MALRD1: variants seen among roughly 807,000 people sequenced by gnomAD.
MALRD1 encodes MAM and LDL-receptor class A domain-containing protein 1.
MALRD1 carries 247 observed loss-of-function variants against 242.1 expected under a neutral mutation model. That is an observed-to-expected ratio of 1.02 (90% CI 0.92 to 1.13). The LOEUF (loss-of-function observed/expected upper bound fraction) is 1.13. MALRD1 is among the 50% of genes most tolerant of loss of function. MALRD1 has a pLI of 0.00. For missense variants in MALRD1, 2,989 were observed against 2,533.1 expected, an observed-to-expected ratio of 1.18 and a Z score of -3.86; for synonymous variants, 995 against 866.6, an observed-to-expected ratio of 1.15 and a Z score of -2.60.
rs1846239793 is a variant in MALRD1 at position 19,389,450 on chromosome 10, A to G, written c.4688-2A>G. ...TTCTCTGAATTCTGTCCTTGTTCCT[A>G]GGGCACTTCATGTATCTGGAAGCTA... On this transcript the variant is annotated splice_acceptor_variant, in intron 27 of 39. Coordinates refer to ENST00000454679, the MANE Select transcript of MALRD1 (RefSeq NM_001142308.3). LOFTEE classifies it high-confidence loss of function. 6.5e-7 allele frequency: 1 copy of G among 1,550,034 alleles called. No homozygotes were observed. The highest frequency in any genetic ancestry group is 8.7e-7 in the Non-Finnish European group (1 of 1,146,716).
At chr10:19,554,680 A>G (rs1835638341) in intron 32 of MALRD1, among the ~76,000 whole-genome samples, 1 of 152,104 alleles carries the variant, frequency 6.6e-6, no homozygotes, top group Admixed American at 6.6e-5. Flanking sequence ...TGCTGAGGAT[A>G]ATGGCTTCCA....
In MALRD1 at chr10:19,607,720, T is replaced by C. The variant is rs560936058; in HGVS notation, c.5945-57T>C. 23 of 1,519,492 alleles carry C rather than the reference T, an allele frequency of 1.5e-5. No individual in the cohort carries two copies. The African/African-American group carries it at 1.5e-4, about 10-fold the overall frequency. The allele number at this position is 1,519,492 out of a possible 1,614,324, so 94.1% of individuals were successfully genotyped here. ...TATGTTATTTTGTTGTGAGAATTCA[T>C]TGGGACAAAAAAAAATCATGCTGGC... On this transcript the variant is annotated intron_variant, in intron 34 of 39. Transcript: ENST00000454679.
chr10:19,728,195 C>T (rs897226217), intron 38 of MALRD1, among the ~76,000 whole-genome samples: 5 of 152,154 alleles, frequency 3.3e-5, no homozygotes, highest in African/African-American at 1.2e-4. Flanking sequence ...TTCCAATACT[C>T]ACACTGAAAC....
At chr10:19,701,710 C>T (rs1367772325) in intron 38 of MALRD1, among the ~76,000 whole-genome samples, 1 of 129,154 alleles carries the variant, frequency 7.7e-6, no homozygotes, top group African/African-American at 2.9e-5. Flanking sequence ...CTTCCCCTCC[C>T]CTACCCTCCC....
At position 19,381,695 on chromosome 10, in the gene MALRD1, C is replaced by T. The variant is rs149583460; in HGVS notation, c.4442-5833C>T. Reference sequence around the variant, plus strand: ...ATACAAAAAAAAAAAAAAAATTAGCCGGGCCTGGTTCCGGGCACCTGTAAT... The same window carrying T: ...ATACAAAAAAAAAAAAAAAATTAGCTGGGCCTGGTTCCGGGCACCTGTAAT... On this transcript the variant is annotated intron_variant, in intron 26 of 39. Transcript: ENST00000454679. Among the ~76,000 whole-genome samples the T allele has an allele frequency of 5.2e-3, 782 of 150,724 alleles. 9 individuals carry two copies. Among genetic ancestry groups the T allele is most frequent in the Non-Finnish European group, 8.8e-3 (595 of 67,530 alleles).
chr10:19,174,682 G>T (rs1835149190), intron 13 of MALRD1, among the ~76,000 whole-genome samples: 1 of 152,026 alleles, frequency 6.6e-6, no homozygotes, highest in Non-Finnish European at 1.5e-5. Context: ...GAGTGCTTCA[G>T]CATATGAATA....
At chr10:19,173,195 C>T (rs1166313256) in intron 13 of MALRD1, among the ~76,000 whole-genome samples, 1 of 151,942 alleles carries the variant, frequency 6.6e-6, no homozygotes, top group Non-Finnish European at 1.5e-5. Context: ...GAAATCTAAA[C>T]CATTGTATGT....
chr10:19,107,172 T>A lies in MALRD1; in HGVS notation c.694+3097T>A, dbSNP rs76740774. 7.3e-3 allele frequency among the ~76,000 whole-genome samples: 1,111 copies of A among 152,064 alleles called. 11 individuals carry two copies. The highest frequency in any genetic ancestry group is 0.026 in the African/African-American group (1,067 of 41,546). ...GATCTAGAGTTCGGTTTAAATATCA[T>A]GTTTCTTTGTTCATTTTCTGTCTGA... On this transcript the variant is annotated intron_variant, in intron 5 of 39. Coordinates refer to ENST00000454679, the MANE Select transcript of MALRD1 (RefSeq NM_001142308.3).
rs980015346 is a variant in MALRD1, at chr10:19,133,833, A to C, written c.1111-23A>C. 5 of 1,094,522 alleles carry C rather than the reference A, an allele frequency of 4.6e-6. No homozygotes were observed. In the East Asian group the frequency reaches 9.7e-5, roughly 21 times the overall value. 67.8% of individuals were successfully genotyped at this position (1,094,522 alleles called of 1,614,324 possible). A position where few individuals can be genotyped will look rare whatever the true frequency, so the allele number is the denominator to read the frequency against. ...AAGATTAGAATACGGGTAATGAGTG[A>C]TGTCTTTCTCTTCAAATCAAAGGAA... On this transcript the variant is annotated intron_variant, in intron 8 of 39. Coordinates refer to ENST00000454679, the MANE Select transcript of MALRD1 (RefSeq NM_001142308.3).
At chr10:19,065,146 G>A (rs913818179) in intron 1 of MALRD1, among the ~76,000 whole-genome samples, 30 of 151,720 alleles carry the variant, frequency 2.0e-4, no homozygotes, top group African/African-American at 6.3e-4. Context: ...AATTAGCCAG[G>A]CATGTTGGTG....
chr10:19,179,899 C>A (rs975772528), intron 14 of MALRD1, among the ~76,000 whole-genome samples: 4 of 152,064 alleles, frequency 2.6e-5, no homozygotes, highest in Non-Finnish European at 5.9e-5. Context: ...TCGTCCTTTT[C>A]CAGGGCAATG....
In MALRD1 at chr10:19,352,230, G is replaced by C. The variant is rs1844415511; in HGVS notation, c.4374G>C (p.Val1458=). Residue 1458 remains valine, a synonymous_variant, in exon 26 of 40, where the codon GTG becomes GTC. Coordinates refer to ENST00000454679, the MANE Select transcript of MALRD1 (RefSeq NM_001142308.3). ...QRGDIALDDI[V]LTENCLSLHD... Reference sequence around the variant, plus strand: ...GAGACATTGCACTTGATGACATTGTGCTTACAGAAAATTGTCTATCACTCC... The same window carrying C: ...GAGACATTGCACTTGATGACATTGTCCTTACAGAAAATTGTCTATCACTCC... 6.5e-7 allele frequency: 1 copy of C among 1,550,280 alleles called. No homozygotes were observed. Among genetic ancestry groups the C allele is most frequent in the South Asian group, 1.2e-5 (1 of 84,054 alleles).
At chr10:19,374,820 C>G (rs1485804043) in intron 26 of MALRD1, among the ~76,000 whole-genome samples, 3 of 152,052 alleles carry the variant, frequency 2.0e-5, no homozygotes, top group Admixed American at 2.0e-4. Flanking sequence ...ATCACAGGAC[C>G]TGGGGGATTA....
intron 28 of MALRD1, among the ~76,000 whole-genome samples, chr10:19,444,764 G>A (rs1277649267): frequency 1.3e-5 from 2 of 152,050 alleles, no homozygotes; most frequent in Non-Finnish European, 2.9e-5. Context: ...TTTCAACTTT[G>A]GTGTATCTGA....
chr10:19,679,053 T>C (rs1842256068), intron 36 of MALRD1, among the ~76,000 whole-genome samples: 1 of 152,186 alleles, frequency 6.6e-6, no homozygotes, highest in African/African-American at 2.4e-5. Context: ...CTGGATTCAG[T>C]TTGCCAGTAT....
At chr10:19,238,934 A>G (rs1838628704) in intron 18 of MALRD1, among the ~76,000 whole-genome samples, 1 of 151,702 alleles carries the variant, frequency 6.6e-6, no homozygotes, top group Non-Finnish European at 1.5e-5. Context: ...GTGAACTGGT[A>G]TCTTATTGTG....
chr10:19,527,162 A>G (rs959320907), intron 31 of MALRD1, among the ~76,000 whole-genome samples: 7 of 152,104 alleles, frequency 4.6e-5, no homozygotes, highest in African/African-American at 1.2e-4. Flanking sequence ...AAATATCTCA[A>G]TTTTGTTTTT....
intron 18 of MALRD1, among the ~76,000 whole-genome samples, 197 bp downstream of exon 18, chr10:19,209,877 T>C (rs926463900): frequency 2.0e-5 from 3 of 152,156 alleles, no homozygotes; most frequent in African/African-American, 7.2e-5. Context: ...TGATGTAAGA[T>C]TAGAATTTCT....
chr10:19,353,996 G>A (rs975808170), intron 26 of MALRD1, among the ~76,000 whole-genome samples: 13 of 151,474 alleles, frequency 8.6e-5, no homozygotes, highest in South Asian at 6.3e-4. Context: ...CAAAGTCCTA[G>A]GATTTCAGGC....
Sources: gnomAD v4.1 joint callset for allele counts (sites outside exome capture counted in the v4.1 genomes callset) on GRCh38, gnomAD v4.1.1 for gene constraint, MANE v1.5 for transcripts, NCBI Gene and HGNC (gene_info 2026-07-23, HGNC 2026-07-21) for gene names.